Variants in TBX15 observed in about 807,000 individuals in gnomAD.
The protein encoded by TBX15 is T-box transcription factor TBX15.
Under a neutral mutation model 53.9 loss-of-function variants are expected in TBX15, and 18 were observed. The observed-to-expected ratio is 0.33, with a 90% CI of 0.23 to 0.49. The LOEUF (loss-of-function observed/expected upper bound fraction) is 0.49, where lower values mean the gene tolerates loss of function less well. TBX15 is among the 20% of genes least tolerant of loss of function. TBX15 has a pLI of 0.98. For missense variants in TBX15, 692 were observed against 749.5 expected, an observed-to-expected ratio of 0.92 and a Z score of 0.90; for synonymous variants, 295 against 278.0, an observed-to-expected ratio of 1.06 and a Z score of -0.61.
chr1:118,958,421 G>A (rs1042297741), intron 1 of TBX15, among the ~76,000 whole-genome samples: 1 of 152,200 alleles, frequency 6.6e-6, no homozygotes, highest in Non-Finnish European at 1.5e-5. Flanking sequence ...AACCTGAGCA[G>A]ACTAAAACAG....
chr1:118,986,012 G>A lies in TBX15; in HGVS notation c.205+1579C>T, dbSNP rs114151232. On this transcript the variant is annotated intron_variant, in intron 1 of 7. Transcript: ENST00000369429. ...GAACATAAGGCCCTAGACGGGCTCCGTGCGATCTGGGGCCTCCCAAGAGAA... is the reference window on the plus strand; with the variant it reads ...GAACATAAGGCCCTAGACGGGCTCCATGCGATCTGGGGCCTCCCAAGAGAA... Among the ~76,000 whole-genome samples, 568 of 152,324 alleles carry A rather than the reference G, an allele frequency of 3.7e-3. 4 individuals are homozygous for A. Among genetic ancestry groups the A allele is most frequent in the African/African-American group, 0.013 (552 of 41,570 alleles).
chr1:118,917,241 A>C (rs1482506537), intron 5 of TBX15, among the ~76,000 whole-genome samples: 1 of 152,236 alleles, frequency 6.6e-6, no homozygotes, highest in East Asian at 1.9e-4. Context: ...CACAGCCATA[A>C]AAAGGAATGA....
At chr1:118,944,617 G>A (rs4659131) in intron 1 of TBX15, among the ~76,000 whole-genome samples, 24,292 of 152,152 alleles carry the variant, frequency 0.16, 2,813 homozygotes, top group East Asian at 0.49. Context: ...CAGTGTCGCC[G>A]AGACAGCAGG....
chr1:118,937,739 T>C (rs1656013561), intron 1 of TBX15, among the ~76,000 whole-genome samples: 1 of 152,214 alleles, frequency 6.6e-6, no homozygotes, highest in South Asian at 2.1e-4. Flanking sequence ...TGATAGACAA[T>C]TCATCTTACT....
intron 1 of TBX15, among the ~76,000 whole-genome samples, chr1:118,958,241 A>G (rs1656756480): frequency 6.6e-6 from 1 of 152,212 alleles, no homozygotes; most frequent in East Asian, 1.9e-4. Context: ...GAGGCAGCAG[A>G]GAGTTTGTTC....
In TBX15 at chr1:118,883,408, A is replaced by C. The variant is rs922359043; in HGVS notation, c.*1324T>G. The C allele has an allele frequency of 2.6e-5, 4 of 152,560 alleles. No individual in the cohort carries two copies. Among genetic ancestry groups the C allele is most frequent in the African/African-American group, 9.7e-5 (4 of 41,442 alleles). 9.5% of individuals were successfully genotyped at this position (152,560 alleles called of 1,614,324 possible). On this transcript the variant is annotated 3_prime_UTR_variant, in exon 8 of 8. Coordinates refer to ENST00000369429, the MANE Select transcript of TBX15 (RefSeq NM_001330677.2). ...AACCCAAAACTTCAAAATGCAATGTACTATTTGATAAAAATGGAGATCTAA... is the reference window on the plus strand; with the variant it reads ...AACCCAAAACTTCAAAATGCAATGTCCTATTTGATAAAAATGGAGATCTAA...
intron 1 of TBX15, among the ~76,000 whole-genome samples, chr1:118,972,660 G>A (rs1245861579): frequency 1.3e-5 from 2 of 151,922 alleles, no homozygotes; most frequent in African/African-American, 4.8e-5. Context: ...GTGTAGCGGC[G>A]CAATCTCAGC....
rs538332847 is a variant in TBX15, at chr1:118,984,557, C to A, written c.205+3034G>T. Among the ~76,000 whole-genome samples the A allele has an allele frequency of 8.1e-4, 123 of 152,354 alleles. 1 individual carries two copies. Among genetic ancestry groups the A allele is most frequent in the African/African-American group, 2.9e-3 (121 of 41,590 alleles). ...CCGCAGCCGGAGCAGCTGTTCCAGC[C>A]GATCCTAGCTCGAAAGTTCCTCTGT... On this transcript the variant is annotated intron_variant, in intron 1 of 7. Coordinates refer to ENST00000369429, the MANE Select transcript of TBX15 (RefSeq NM_001330677.2).
intron 1 of TBX15, among the ~76,000 whole-genome samples, chr1:118,968,635 T>C (rs1009032857): frequency 5.9e-5 from 9 of 152,218 alleles, no homozygotes; most frequent in Non-Finnish European, 1.2e-4. Context: ...ACAGCCTGTT[T>C]TGCCAATGCT....
chr1:118,884,854 C>G lies in TBX15; in HGVS notation c.1687G>C (p.Glu563Gln). 1 of 1,614,128 alleles carries G rather than the reference C, an allele frequency of 6.2e-7. No individual in the cohort carries two copies. Among genetic ancestry groups the G allele is most frequent in the Non-Finnish European group, 8.5e-7 (1 of 1,180,028 alleles). ...GGGCTAATCATGTGCATGCTGTGCTCCATCCCTGACGGCAGGTACTGCCTC... is the reference window on the plus strand; with the variant it reads ...GGGCTAATCATGTGCATGCTGTGCTGCATCCCTGACGGCAGGTACTGCCTC... ...GERQYLPSGM[E>Q]HSMHMISPSP... is the part of the protein sequence containing the mutation. Residue 563 changes from glutamate to glutamine, a missense_variant, in exon 8 of 8, where the codon GAG (glutamate) becomes CAG (glutamine). Around this residue, in one of 3 missense-constraint regions of TBX15, gnomAD observed 375 missense variants for 371.6 expected, o/e 1.01. Coordinates refer to ENST00000369429, the MANE Select transcript of TBX15 (RefSeq NM_001330677.2).
At chr1:118,902,684 T>C (rs1029814867) in intron 6 of TBX15, among the ~76,000 whole-genome samples, 11 of 152,164 alleles carry the variant, frequency 7.2e-5, no homozygotes, top group Non-Finnish European at 1.5e-5. Context: ...ATTTTCCTTG[T>C]CTTTTTCCAT....
In TBX15 at chr1:118,984,084, A is replaced by G. The variant is rs190713644; in HGVS notation, c.205+3507T>C. Among the ~76,000 whole-genome samples the G allele has an allele frequency of 2.3e-3, 344 of 152,368 alleles. 2 individuals carry two copies. Among genetic ancestry groups the G allele is most frequent in the Middle Eastern group, 0.014 (4 of 294 alleles). ...TGACCACTTGATCTAGATAACTCCA[A>G]AGAAGAAAGTGCCCTGGGGCGGCCG... On this transcript the variant is annotated intron_variant, in intron 1 of 7. Transcript: ENST00000369429.
At chr1:118,952,621 T>A (rs977287901) in intron 1 of TBX15, among the ~76,000 whole-genome samples, 1 of 152,308 alleles carries the variant, frequency 6.6e-6, no homozygotes, top group African/African-American at 2.4e-5. Context: ...CTCCTTCTCC[T>A]GGGCAGTCTG....
intron 1 of TBX15, among the ~76,000 whole-genome samples, chr1:118,954,446 C>CT (rs1656613299): frequency 6.6e-6 from 1 of 152,174 alleles, no homozygotes; most frequent in Non-Finnish European, 1.5e-5. Context: ...TGGAGGAATG[C>CT]TTGTCAACTT....
rs869094141 is a variant in TBX15 at position 118,939,407 on chromosome 1, C to CAA, written c.206-7577_206-7576dup. Among the ~76,000 whole-genome samples, 79 of 8,864 alleles carry CAA rather than the reference C, an allele frequency of 8.9e-3. 8 individuals carry two copies. The highest frequency in any genetic ancestry group is 0.027 in the African/African-American group (63 of 2,336). The allele number at this position is 8,864 out of a possible 152,430, so 5.8% of individuals were successfully genotyped here. ...AGGGCAACAGAATGAGATCTAGTCT[C>CAA]AAAAAAAAAAAAAAAAAAAAAAAAA... On this transcript the variant is annotated intron_variant, in intron 1 of 7. Coordinates refer to ENST00000369429, the MANE Select transcript of TBX15 (RefSeq NM_001330677.2).
At position 118,884,905 on chromosome 1, in the gene TBX15, A is replaced by G. The variant is rs1653874913; in HGVS notation, c.1636T>C (p.Ser546Pro). Reference protein sequence around the residue: ...SASQSTLLCSSPSNGAFGERQ... With the variant: ...SASQSTLLCSPPSNGAFGERQ... The stretch of plus-strand genomic sequence containing the variant: ...TCTCCAAAGGCCCCGTTGGAAGGAG[A>G]AGAACAGAGTAAAGTGCTTTGAGAG... Residue 546 changes from serine (S) to proline (P), a missense_variant, in exon 8 of 8, where the codon TCT becomes CCT. Ser to Pro is a moderately conservative substitution (Grantham distance 74). Around this residue, in one of 3 missense-constraint regions of TBX15, gnomAD observed 375 missense variants for 371.6 expected, o/e 1.01. Transcript: ENST00000369429. The G allele has an allele frequency of 1.9e-6, 3 of 1,614,162 alleles. No individual in the cohort carries two copies. Among genetic ancestry groups the G allele is most frequent in the Non-Finnish European group, 2.5e-6 (3 of 1,180,020 alleles).
In TBX15 at chr1:118,987,927, C is replaced by T; in HGVS notation, c.-132G>A. ...GCGTCGGACGAGGCTGAGACTGCGG[C>T]TCGCGGGTCTCTCCACCCTCCCCCT... On this transcript the variant is annotated 5_prime_UTR_variant, in exon 1 of 8. Transcript: ENST00000369429. The T allele has an allele frequency of 1.8e-6, 2 of 1,118,080 alleles. No homozygotes were observed. The highest frequency in any genetic ancestry group is 1.3e-6 in the Non-Finnish European group (1 of 795,196). The allele number at this position is 1,118,080 out of a possible 1,614,324, so 69.3% of individuals were successfully genotyped here.
rs1284147777 is a variant in TBX15 at position 118,914,101 on chromosome 1, C to T, written c.926+14G>A. On this transcript the variant is annotated intron_variant, in intron 6 of 7. Transcript: ENST00000369429. ...CACATAGAAAAGAAGTGCCTCTTCC[C>T]CAGTGATTCTTACCTGTTTCTCCCA... is the stretch of plus-strand genomic sequence containing the variant. 2 of 1,613,506 alleles carry T rather than the reference C, an allele frequency of 1.2e-6. No individual in the cohort carries two copies. Among genetic ancestry groups the T allele is most frequent in the Non-Finnish European group, 1.7e-6 (2 of 1,179,622 alleles).
intron 1 of TBX15, among the ~76,000 whole-genome samples, chr1:118,985,285 G>T (rs964719904): frequency 3.3e-5 from 5 of 152,122 alleles, no homozygotes; most frequent in African/African-American, 1.2e-4. Context: ...CAATAGGGTC[G>T]CCTGCATTAC....
Sources: allele counts gnomAD v4.1 joint callset (sites outside exome capture counted in the v4.1 genomes callset), GRCh38; gene constraint gnomAD v4.1.1; regional missense constraint gnomAD v4.1.1; transcripts MANE v1.5; gene names NCBI Gene and HGNC (gene_info 2026-07-23, HGNC 2026-07-21).